Variants in CGNL1 observed in about 807,000 individuals in gnomAD.
CGNL1 encodes cingulin-like protein 1.
CGNL1 carries 132 observed loss-of-function variants against 141.2 expected under a neutral mutation model. The ratio of observed to expected loss-of-function variants is 0.93; its 90% CI spans 0.81 to 1.08. The LOEUF (loss-of-function observed/expected upper bound fraction) is 1.08, where lower values mean the gene tolerates loss of function less well. Ranked by LOEUF, CGNL1 falls within the 50% of genes least tolerant of loss-of-function variation. The pLI, the probability that CGNL1 is intolerant of heterozygous loss-of-function variation, is 0.00. For synonymous variants in CGNL1, 690 were observed against 622.1 expected (o/e 1.11, Z -1.63); for missense variants, 1,870 against 1,588.6 (o/e 1.18, Z -3.01).
chr15:57,413,706 C>T (rs1322237760), intron 1 of CGNL1, among the ~76,000 whole-genome samples: 1 of 152,212 alleles, frequency 6.6e-6, no homozygotes, highest in Non-Finnish European at 1.5e-5. Context: ...TCTTCCCATA[C>T]CCACATTCAG....
chr15:57,481,961 A>C (rs1414821727), intron 8 of CGNL1, among the ~76,000 whole-genome samples: 1 of 152,190 alleles, frequency 6.6e-6, no homozygotes, highest in African/African-American at 2.4e-5. Context: ...CCATTCTGAT[A>C]GGTATATGTG....
At chr15:57,540,671 C>G (rs1303036317) in intron 14 of CGNL1, among the ~76,000 whole-genome samples, 2 of 152,168 alleles carry the variant, frequency 1.3e-5, no homozygotes. Context: ...GGCAGTCACC[C>G]AGTGCACCCA....
intron 8 of CGNL1, among the ~76,000 whole-genome samples, chr15:57,466,642 T>C (rs1166152229): frequency 6.6e-6 from 1 of 152,158 alleles, no homozygotes; most frequent in Admixed American, 6.5e-5. Flanking sequence ...TGGTACTTAA[T>C]AGATGTTTAG....
chr15:57,449,722 C>T lies in CGNL1; in HGVS notation c.1804-1778C>T, dbSNP rs112978645. Among the ~76,000 whole-genome samples the T allele has an allele frequency of 3.4e-3, 525 of 152,226 alleles. 2 individuals carry two copies. Among genetic ancestry groups the T allele is most frequent in the African/African-American group, 0.012 (509 of 41,528 alleles). ...TCCTGTGTGTTCTGCCTGTTTGTTC[C>T]TTTCTCTCCCCTAACCTCTGGCAAC... On this transcript the variant is annotated intron_variant, in intron 4 of 18. Transcript: ENST00000281282.
intron 3 of CGNL1, 27 bp downstream of exon 3, chr15:57,440,498 A>C (rs781124470): frequency 6.7e-7 from 1 of 1,493,784 alleles, no homozygotes; most frequent in Non-Finnish European, 9.2e-7. Flanking sequence ...CTGAAAGAGC[A>C]AAGTATTGTT....
chr15:57,437,185 C>T (rs548099524), intron 1 of CGNL1, among the ~76,000 whole-genome samples: 49 of 152,258 alleles, frequency 3.2e-4, no homozygotes, highest in African/African-American at 1.1e-3. Flanking sequence ...AGAAAGGCAA[C>T]GGCAACTATT....
chr15:57,498,459 C>G (rs28754610), intron 8 of CGNL1, among the ~76,000 whole-genome samples: 2,327 of 152,100 alleles, frequency 0.015, 33 homozygotes, highest in Non-Finnish European at 0.02. Context: ...TCCACCTTGG[C>G]CTCCCAAAGT....
At chr15:57,429,484 C>G (rs891718120) in intron 1 of CGNL1, among the ~76,000 whole-genome samples, 9 of 152,180 alleles carry the variant, frequency 5.9e-5, no homozygotes, top group Non-Finnish European at 1.0e-4. Flanking sequence ...TGGACTTAGG[C>G]TTCGTAGAGG....
intron 14 of CGNL1, among the ~76,000 whole-genome samples, chr15:57,534,801 A>C (rs1179056515): frequency 6.6e-6 from 1 of 152,210 alleles, no homozygotes; most frequent in Non-Finnish European, 1.5e-5. Flanking sequence ...CTTCCTAGCA[A>C]ACTGCTACTA....
chr15:57,433,826 C>T (rs2063073190), intron 1 of CGNL1, among the ~76,000 whole-genome samples: 1 of 152,206 alleles, frequency 6.6e-6, no homozygotes, highest in African/African-American at 2.4e-5. Flanking sequence ...CAGGCGTGTG[C>T]AGCCCCAGCA....
At position 57,460,789 on chromosome 15, in the gene CGNL1, T is replaced by G. The variant is rs984553167; in HGVS notation, c.2191-891T>G. Among the ~76,000 whole-genome samples the G allele has an allele frequency of 4.6e-5, 7 of 152,058 alleles. No individual in the cohort carries two copies. In the South Asian group the frequency reaches 1.5e-3, roughly 32 times the overall value. ...GAATTATGGGAATTATAACTCAAGATGAGATTTGGGTGAGGACATAGAGCC... is the reference window on the plus strand; with the variant it reads ...GAATTATGGGAATTATAACTCAAGAGGAGATTTGGGTGAGGACATAGAGCC... On this transcript the variant is annotated intron_variant, in intron 7 of 18. Coordinates refer to ENST00000281282, the MANE Select transcript of CGNL1 (RefSeq NM_032866.5).
In CGNL1 at chr15:57,439,669, T is replaced by C. The variant is rs1393212869; in HGVS notation, c.1602+68T>C. 12 of 1,457,714 alleles carry C rather than the reference T, an allele frequency of 8.2e-6. No individual in the cohort carries two copies. The South Asian group carries it at 1.2e-4, about 14-fold the overall frequency. 90.3% of individuals were successfully genotyped at this position (1,457,714 alleles called of 1,614,324 possible). On this transcript the variant is annotated intron_variant, in intron 2 of 18. Coordinates refer to ENST00000281282, the MANE Select transcript of CGNL1 (RefSeq NM_032866.5). ...TCTAAATAATGTAATGATGTACTTA[T>C]GCTGCAGGAGGCCATAGGAATTACA... is the stretch of plus-strand genomic sequence containing the variant.
At chr15:57,523,345 C>T (rs2031392681) in intron 10 of CGNL1, 144 bp from the exon 11 acceptor site, 7 of 691,096 alleles carry the variant, frequency 1.0e-5, no homozygotes, top group Non-Finnish European at 1.6e-5. Flanking sequence ...CTATCTCTGA[C>T]AGCTTTATTT....
intron 8 of CGNL1, among the ~76,000 whole-genome samples, chr15:57,475,818 C>G (rs892056648): frequency 6.6e-6 from 1 of 152,048 alleles, no homozygotes; most frequent in Non-Finnish European, 1.5e-5. Flanking sequence ...ATTAGCCTGT[C>G]TGTCCCCAAC....
chr15:57,516,547 CACAG>C (rs1289774672), intron 8 of CGNL1, among the ~76,000 whole-genome samples: 2 of 152,168 alleles, frequency 1.3e-5, no homozygotes, highest in Admixed American at 1.3e-4. Context: ...TGAAAGCAGC[CACAG>C]ACAGTCTGCA....
chr15:57,421,626 C>T (rs1229740729), intron 1 of CGNL1, among the ~76,000 whole-genome samples: 1 of 152,070 alleles, frequency 6.6e-6, no homozygotes, highest in Non-Finnish European at 1.5e-5. Context: ...GCCCCTTTCC[C>T]CAAATATTCT....
rs1405116991 is a variant in CGNL1, at chr15:57,548,560, T to G, written c.*1070T>G. 1 of 152,234 alleles carries G rather than the reference T, an allele frequency of 6.6e-6. No homozygotes were observed. The highest frequency in any genetic ancestry group is 1.9e-4 in the East Asian group (1 of 5,200). The allele number at this position is 152,234 out of a possible 1,614,324, so 9.4% of individuals were successfully genotyped here. ...TGACTGCAGCTATGGCCTTGTTTGC[T>G]TAGTTTATCTGGAATTCTGTTATAA... On this transcript the variant is annotated 3_prime_UTR_variant, in exon 19 of 19. Transcript: ENST00000281282.
chr15:57,513,148 C>T (rs773512371), intron 8 of CGNL1, among the ~76,000 whole-genome samples: 4 of 152,048 alleles, frequency 2.6e-5, no homozygotes, highest in Non-Finnish European at 5.9e-5. Flanking sequence ...GGCCCCTTCC[C>T]CATATCCCTC....
intron 4 of CGNL1, among the ~76,000 whole-genome samples, chr15:57,449,239 G>C (rs537634733): frequency 6.6e-6 from 1 of 152,164 alleles, no homozygotes; most frequent in Admixed American, 6.5e-5. Flanking sequence ...AAGAATCCAG[G>C]GAGTATTTAT....
Sources: allele counts gnomAD v4.1 joint callset (sites outside exome capture counted in the v4.1 genomes callset), GRCh38; gene constraint gnomAD v4.1.1; transcripts MANE v1.5; gene names NCBI Gene and HGNC (gene_info 2026-07-23, HGNC 2026-07-21).